TMEM117: variants seen among roughly 807,000 people sequenced by gnomAD.
The protein encoded by TMEM117 is transmembrane protein 117.
Under a neutral mutation model 52.4 loss-of-function variants are expected in TMEM117, and 27 were observed. The observed-to-expected ratio is 0.51, with a 90% CI of 0.38 to 0.71. The LOEUF (loss-of-function observed/expected upper bound fraction) is 0.71, where lower values mean the gene tolerates loss of function less well. Ranked by LOEUF, TMEM117 falls within the 30% of genes least tolerant of loss-of-function variation. The pLI, the probability that TMEM117 is intolerant of heterozygous loss-of-function variation, is 0.00. For missense variants in TMEM117, 556 were observed against 630.5 expected, an observed-to-expected ratio of 0.88 and a Z score of 1.26; for synonymous variants, 215 against 206.3, an observed-to-expected ratio of 1.04 and a Z score of -0.36.
chr12:44,172,885 C>CG (rs1368472118), intron 4 of TMEM117, among the ~76,000 whole-genome samples: 1 of 151,980 alleles, frequency 6.6e-6, no homozygotes, highest in Non-Finnish European at 1.5e-5. Context: ...CCACCACGCC[C>CG]GGCTAATTTT....
At chr12:43,924,971 A>G (rs1052300097) in intron 2 of TMEM117, among the ~76,000 whole-genome samples, 1 of 152,144 alleles carries the variant, frequency 6.6e-6, no homozygotes, top group Non-Finnish European at 1.5e-5. Context: ...TCTAAGATGG[A>G]TGGAAGATGT....
At chr12:44,216,842 T>C (rs1949724977) in intron 5 of TMEM117, among the ~76,000 whole-genome samples, 1 of 152,114 alleles carries the variant, frequency 6.6e-6, no homozygotes, top group African/African-American at 2.4e-5. Flanking sequence ...GGATTAAATT[T>C]TATGTTTTCT....
At chr12:44,096,384 A>C (rs1235807452) in intron 3 of TMEM117, among the ~76,000 whole-genome samples, 1 of 152,008 alleles carries the variant, frequency 6.6e-6, no homozygotes, top group African/African-American at 2.4e-5. Context: ...ATATGGAACC[A>C]AAAAAGAGCC....
At chr12:43,827,647 A>G in the TMEM117 span, among the ~76,000 whole-genome samples, 1 of 152,338 alleles carries the variant, frequency 6.6e-6, no homozygotes, top group Middle Eastern at 3.4e-3. Context: ...ATATTGAAGA[A>G]ATGACTGGTA....
chr12:44,011,036 C>A lies in TMEM117; in HGVS notation c.410+66694C>A, dbSNP rs77288951. On this transcript the variant is annotated intron_variant, in intron 3 of 7. Transcript: ENST00000266534. ...TATCATTTCCCTTGTCTCTGAAGAA[C>A]TTTTTTCTAACATTTCCTGCAAGAT... Among the ~76,000 whole-genome samples, 418 of 152,260 alleles carry A rather than the reference C, an allele frequency of 2.7e-3. 3 individuals are homozygous for A. Among genetic ancestry groups the A allele is most frequent in the African/African-American group, 9.1e-3 (378 of 41,558 alleles).
intron 3 of TMEM117, among the ~76,000 whole-genome samples, chr12:44,082,896 G>GGTGTATGTGT (rs1355407176): frequency 6.6e-6 from 1 of 151,780 alleles, no homozygotes; most frequent in Admixed American, 6.6e-5. Flanking sequence ...TATATGTGTG[G>GGTGTATGTGT]GTGTATGTGT....
intron 2 of TMEM117, among the ~76,000 whole-genome samples, chr12:43,915,267 A>G (rs984704916): frequency 6.6e-6 from 1 of 152,124 alleles, no homozygotes; most frequent in Non-Finnish European, 1.5e-5. Context: ...TATTCCCATC[A>G]TGAGTCATTA....
chr12:43,999,158 T>C (rs1946077423), intron 3 of TMEM117, among the ~76,000 whole-genome samples: 1 of 152,230 alleles, frequency 6.6e-6, no homozygotes, highest in Admixed American at 6.5e-5. Context: ...ATTCCAGTCA[T>C]TCCGCTCCTA....
intron 2 of TMEM117, among the ~76,000 whole-genome samples, chr12:43,928,944 A>G (rs1592370871): frequency 6.6e-6 from 1 of 151,702 alleles, no homozygotes; most frequent in Admixed American, 6.6e-5. Flanking sequence ...TTATGGCTGC[A>G]TAGTATTCCA....
At chr12:44,393,518 GT>G (rs145455709), downstream of TMEM117, among the ~76,000 whole-genome samples, 45 of 144,090 alleles carry the variant, frequency 3.1e-4, no homozygotes, top group African/African-American at 9.1e-4. Flanking sequence ...GCTTAGAGAG[GT>G]TTTTTTGACT....
Position 44,125,138 on chromosome 12 carries a change from T to A in TMEM117, c.411-18387T>A, listed in dbSNP as rs140081930. ...TTTTTTTTTTGAGACGGAGTCTTGC[T>A]CTTTCGCCCAGGCTGGAGTGCAGTG... On this transcript the variant is annotated intron_variant, in intron 3 of 7. Transcript: ENST00000266534. 8.5e-3 allele frequency among the ~76,000 whole-genome samples: 1,288 copies of A among 152,250 alleles called. 12 individuals carry two copies. The highest frequency in any genetic ancestry group is 0.029 in the African/African-American group (1,224 of 41,548).
chr12:43,974,677 A>T (rs751691011), intron 3 of TMEM117, among the ~76,000 whole-genome samples: 1 of 152,114 alleles, frequency 6.6e-6, no homozygotes, highest in Non-Finnish European at 1.5e-5. Flanking sequence ...CTTGTTCCAG[A>T]TGTACATTTT....
intron 4 of TMEM117, among the ~76,000 whole-genome samples, chr12:44,186,282 G>T (rs139483661): frequency 1.3e-5 from 2 of 152,262 alleles, no homozygotes; most frequent in East Asian, 3.9e-4. Flanking sequence ...GCCTTTCCAA[G>T]GAATCTTATG....
At chr12:44,298,970 C>T (rs1354264087) in intron 5 of TMEM117, among the ~76,000 whole-genome samples, 1 of 150,554 alleles carries the variant, frequency 6.6e-6, no homozygotes, top group East Asian at 1.9e-4. Context: ...CCTTGGTAAA[C>T]AATGTACAGG....
chr12:44,283,919 C>T (rs1013970828), intron 5 of TMEM117, among the ~76,000 whole-genome samples: 1 of 152,112 alleles, frequency 6.6e-6, no homozygotes, highest in Non-Finnish European at 1.5e-5. Context: ...CTTTCCTGTG[C>T]TACTCTTAGG....
At chr12:43,809,558 G>A in the TMEM117 span, among the ~76,000 whole-genome samples, 3 of 152,146 alleles carry the variant, frequency 2.0e-5, no homozygotes, top group Non-Finnish European at 2.9e-5. Flanking sequence ...TTACAATACA[G>A]TATGATTCAA....
chr12:44,301,472 A>G (rs564466680), intron 6 of TMEM117, among the ~76,000 whole-genome samples: 15 of 152,266 alleles, frequency 9.9e-5, no homozygotes, highest in Non-Finnish European at 1.6e-4. Flanking sequence ...ATGACCGACG[A>G]TGAAGAGTTT....
chr12:44,369,137 A>G (rs1449174545), intron 6 of TMEM117, among the ~76,000 whole-genome samples: 1 of 152,140 alleles, frequency 6.6e-6, no homozygotes, highest in Admixed American at 6.6e-5. Flanking sequence ...ATTTTCCATT[A>G]TTCCTAGATG....
At chr12:44,122,885 T>C (rs750985168) in intron 3 of TMEM117, among the ~76,000 whole-genome samples, 5 of 152,182 alleles carry the variant, frequency 3.3e-5, no homozygotes, top group Admixed American at 6.5e-5. Context: ...GTGCAATGTA[T>C]CCTTAAAATA....
Sources: allele counts gnomAD v4.1 joint callset (sites outside exome capture counted in the v4.1 genomes callset), GRCh38; gene constraint gnomAD v4.1.1; transcripts MANE v1.5; gene names NCBI Gene and HGNC (gene_info 2026-07-23, HGNC 2026-07-21).